NAALADL2: variants seen among roughly 807,000 people sequenced by gnomAD.
NAALADL2 encodes the protein inactive N-acetylated-alpha-linked acidic dipeptidase-like protein 2.
NAALADL2 carries 76 observed loss-of-function variants against 87.2 expected under a neutral mutation model. The observed-to-expected ratio is 0.87, with a 90% confidence interval of 0.72 to 1.05. The LOEUF is 1.05. Among genes scored for constraint, NAALADL2 ranks in the 50% least tolerant of loss-of-function variants. The probability of loss-of-function intolerance (pLI) is 0.00; values close to 1 mark genes in which losing one functional copy is unlikely to be tolerated. For missense variants in NAALADL2, 1,089 were observed against 945.8 expected, an observed-to-expected ratio of 1.15 and a Z score of -1.99; for synonymous variants, 354 against 331.0, an observed-to-expected ratio of 1.07 and a Z score of -0.75.
intron 2 of NAALADL2, among the ~76,000 whole-genome samples, chr3:174,650,233 T>A (rs183076422): frequency 3.9e-5 from 6 of 152,240 alleles, no homozygotes; most frequent in Admixed American, 3.9e-4. Flanking sequence ...ATCTTTGTCA[T>A]TTAAATTGCT....
intron 5 of NAALADL2, among the ~76,000 whole-genome samples, chr3:175,390,686 G>A (rs796914458): frequency 1.1e-4 from 17 of 151,908 alleles, no homozygotes; most frequent in African/African-American, 4.1e-4. Flanking sequence ...CTTTTTTTCT[G>A]GTAAAAAGAC....
At chr3:175,044,572 T>C (rs916192590) in intron 1 of NAALADL2, among the ~76,000 whole-genome samples, 6 of 152,164 alleles carry the variant, frequency 3.9e-5, no homozygotes, top group Non-Finnish European at 5.9e-5. Flanking sequence ...AACATTCATG[T>C]TCATACATAT....
intron 9 of NAALADL2, among the ~76,000 whole-genome samples, chr3:175,520,245 C>A (rs1331278052): frequency 1.3e-5 from 2 of 151,286 alleles, no homozygotes; most frequent in African/African-American, 2.4e-5. Context: ...CTTATTATAC[C>A]ACCTGTGGAG....
chr3:175,773,622 G>A (rs577127078), intron 13 of NAALADL2: 23 of 152,220 alleles, frequency 1.5e-4, no homozygotes, highest in Admixed American at 3.9e-4. Context: ...TCTGGTACAG[G>A]AGAGTATAAT....
chr3:175,015,255 A>G (rs1247514406), intron 1 of NAALADL2, among the ~76,000 whole-genome samples: 1 of 152,120 alleles, frequency 6.6e-6, no homozygotes, highest in Non-Finnish European at 1.5e-5. Flanking sequence ...CCATGACAAC[A>G]ACATTTGGAG....
At chr3:175,329,825 A>C (rs1761185784) in intron 5 of NAALADL2, among the ~76,000 whole-genome samples, 1 of 152,206 alleles carries the variant, frequency 6.6e-6, no homozygotes, top group Non-Finnish European at 1.5e-5. Context: ...TTGATTGTTT[A>C]AATTCAAACT....
chr3:175,252,740 T>C (rs1028965987), intron 3 of NAALADL2, among the ~76,000 whole-genome samples: 35 of 152,196 alleles, frequency 2.3e-4, no homozygotes, highest in Non-Finnish European at 2.9e-5. Flanking sequence ...GCAATTAAAA[T>C]GCTACTCTAG....
chr3:175,810,353 C>T lies in NAALADL2; in HGVS notation c.*7150C>T, dbSNP rs1300335608. 1.3e-5 allele frequency: 2 copies of T among 151,790 alleles called. No homozygotes were observed. Among genetic ancestry groups the T allele is most frequent in the Admixed American group, 6.6e-5 (1 of 15,200 alleles). 9.4% of individuals were successfully genotyped at this position (151,790 alleles called of 1,614,324 possible). ...GGAGTGACACAAATGGATTGAGATA[C>T]CACATCCATTAAAAATATAAGTGAA... On this transcript the variant is annotated 3_prime_UTR_variant, in exon 14 of 14. Transcript: ENST00000454872.
At chr3:175,488,654 A>G (rs1727641661) in intron 9 of NAALADL2, among the ~76,000 whole-genome samples, 1 of 152,212 alleles carries the variant, frequency 6.6e-6, no homozygotes, top group Non-Finnish European at 1.5e-5. Context: ...TGATTGTGAG[A>G]TTAAATGTTT....
At chr3:175,280,775 T>C (rs1754188678) in intron 4 of NAALADL2, among the ~76,000 whole-genome samples, 1 of 152,040 alleles carries the variant, frequency 6.6e-6, no homozygotes, top group African/African-American at 2.4e-5. Context: ...AAATGTTGGC[T>C]GAAACAATGA....
At chr3:175,496,454 A>G (rs889067515) in intron 9 of NAALADL2, among the ~76,000 whole-genome samples, 1 of 152,060 alleles carries the variant, frequency 6.6e-6, no homozygotes, top group Admixed American at 6.6e-5. Flanking sequence ...TTCAATCAAC[A>G]AATTAACTTC....
chr3:175,124,527 G>A (rs1337342445), intron 2 of NAALADL2: 2 of 152,018 alleles, frequency 1.3e-5, no homozygotes, highest in African/African-American at 2.4e-5. Flanking sequence ...TGCTTTTCCC[G>A]AATCTTTCAA....
chr3:174,486,060 A>G (rs890501656), intron 1 of NAALADL2, among the ~76,000 whole-genome samples: 2 of 152,142 alleles, frequency 1.3e-5, no homozygotes, highest in South Asian at 4.1e-4. Flanking sequence ...TATGTACCCA[A>G]GTGCTTCTCA....
intron 3 of NAALADL2, among the ~76,000 whole-genome samples, chr3:174,782,416 T>C (rs1343510089): frequency 6.6e-6 from 1 of 152,048 alleles, no homozygotes; most frequent in Admixed American, 6.6e-5. Context: ...TTAATAATAA[T>C]CTAATTATTA....
At chr3:174,857,414 G>A (rs1338320222), upstream of NAALADL2, among the ~76,000 whole-genome samples, 1 of 152,070 alleles carries the variant, frequency 6.6e-6, no homozygotes, top group African/African-American at 2.4e-5. Context: ...TTTAAGAATA[G>A]GACTTCTCTA....
chr3:174,803,783 T>G (rs1719126310), intron 3 of NAALADL2, among the ~76,000 whole-genome samples: 1 of 152,132 alleles, frequency 6.6e-6, no homozygotes, highest in East Asian at 1.9e-4. Flanking sequence ...TGGCTGTAGA[T>G]GTGTGGTGTT....
chr3:174,759,853 A>T (rs1352629938), intron 3 of NAALADL2, among the ~76,000 whole-genome samples: 1 of 152,074 alleles, frequency 6.6e-6, no homozygotes. Context: ...GGCACCTGCC[A>T]CCACACCCAG....
At chr3:175,761,529 T>C (rs1447127074) in intron 13 of NAALADL2, among the ~76,000 whole-genome samples, 1 of 150,738 alleles carries the variant, frequency 6.6e-6, no homozygotes, top group Non-Finnish European at 1.5e-5. Context: ...AGTGTGCAAT[T>C]GCTGGATAAT....
rs1728161705 is a variant in NAALADL2, at chr3:175,132,314, A to AC, written c.545+35030dup. ...GGGGGCAGCTGGCCGGGTGGGGCTG[A>AC]CCCCCCCACCTCCTTCCCGGACGAG... On this transcript the variant is annotated intron_variant, in intron 2 of 13. Coordinates refer to ENST00000454872, the MANE Select transcript of NAALADL2 (RefSeq NM_207015.3). Among the ~76,000 whole-genome samples, 9 of 41,662 alleles carry AC rather than the reference A, an allele frequency of 2.2e-4. 2 individuals are homozygous for AC. The highest frequency in any genetic ancestry group is 8.4e-5 in the Non-Finnish European group (2 of 23,740). 27.3% of individuals were successfully genotyped at this position (41,662 alleles called of 152,430 possible).
Sources: allele counts gnomAD v4.1 joint callset (sites outside exome capture counted in the v4.1 genomes callset), GRCh38; gene constraint gnomAD v4.1.1; transcripts MANE v1.5; gene names NCBI Gene and HGNC (gene_info 2026-07-23, HGNC 2026-07-21).